ECRG4: variants seen among roughly 807,000 people sequenced by gnomAD.
The protein encoded by ECRG4 is augurin.
Under a neutral mutation model 15.8 loss-of-function variants are expected in ECRG4, and 18 were observed. The ratio of observed to expected loss-of-function variants is 1.14; its 90% confidence interval spans 0.79 to 1.69. The LOEUF (loss-of-function observed/expected upper bound fraction) is 1.69, where lower values mean the gene tolerates loss of function less well. ECRG4 is among the 40% of genes most tolerant of loss of function. The probability of loss-of-function intolerance (pLI) is 0.00; values close to 1 mark genes in which losing one functional copy is unlikely to be tolerated. For synonymous variants in ECRG4, 82 were observed against 73.9 expected, an observed-to-expected ratio of 1.11 and a Z score of -0.56; for missense variants, 200 against 190.9, an observed-to-expected ratio of 1.05 and a Z score of -0.28.
intron 3 of ECRG4, among the ~76,000 whole-genome samples, chr2:106,076,638 CAATATT>C (rs948067947): frequency 2.0e-5 from 3 of 152,116 alleles, no homozygotes; most frequent in African/African-American, 7.2e-5. Flanking sequence ...ACAAAGTTCT[CAATATT>C]AATTAATGTT....
chr2:106,068,248 G>A (rs1454209986), intron 1 of ECRG4, among the ~76,000 whole-genome samples: 2 of 152,100 alleles, frequency 1.3e-5, no homozygotes, highest in Non-Finnish European at 2.9e-5. Context: ...TGAATTTGCT[G>A]GGAGAGCTAA....
chr2:106,077,689 C>A, intron 3 of ECRG4, 76 bp from the exon 4 acceptor site: 1 of 1,322,202 alleles, frequency 7.6e-7, no homozygotes, highest in Non-Finnish European at 1.1e-6. Flanking sequence ...TGAAGAAAAG[C>A]CATAGGTAAG....
intron 2 of ECRG4, among the ~76,000 whole-genome samples, chr2:106,073,224 A>G (rs1304312564): frequency 1.3e-5 from 2 of 152,330 alleles, no homozygotes; most frequent in African/African-American, 2.4e-5. Context: ...AAGTGGTTCC[A>G]TTTCAACAAT....
chr2:106,076,362 G>A (rs17271098), intron 3 of ECRG4, among the ~76,000 whole-genome samples: 28,378 of 152,030 alleles, frequency 0.19, 3,077 homozygotes, highest in Non-Finnish European at 0.24. Context: ...GAAAACCCAA[G>A]AGGCAAGATT....
At chr2:106,067,313 TAAAAG>T (rs146746682) in intron 1 of ECRG4, among the ~76,000 whole-genome samples, 5,049 of 151,430 alleles carry the variant, frequency 0.033, 199 homozygotes, top group African/African-American at 0.081. Context: ...AAGAAATAAA[TAAAAG>T]AAGAAGAAGA....
Position 106,071,909 on chromosome 2 carries a change from G to T in ECRG4, c.127+18G>T, listed in dbSNP as rs113092769. The stretch of plus-strand genomic sequence containing the variant: ...ACGAGAAGGTAAATATACCCCAAAT[G>T]GATAAGGGATGCATTCTTAACTGGA... On this transcript the variant is annotated intron_variant, in intron 2 of 3. Transcript: ENST00000238044. 42 of 1,603,044 alleles carry T rather than the reference G, an allele frequency of 2.6e-5. No homozygotes were observed. The African/African-American group carries it at 4.2e-4, about 16-fold the overall frequency.
chr2:106,069,277 C>A (rs868102622), intron 1 of ECRG4, among the ~76,000 whole-genome samples: 1 of 106,262 alleles, frequency 9.4e-6, no homozygotes, highest in Non-Finnish European at 2.0e-5. Flanking sequence ...TTCTTTCTTT[C>A]TTTTTCTCTT....
At chr2:106,071,138 G>C (rs2104794240) in intron 1 of ECRG4, 1 of 402,202 alleles carries the variant, frequency 2.5e-6, no homozygotes, top group South Asian at 1.8e-5. Flanking sequence ...TGCACTTTTA[G>C]AGAGCAAAGG....
upstream of ECRG4, among the ~76,000 whole-genome samples, chr2:106,065,216 C>A (rs1676181046): frequency 6.6e-6 from 1 of 151,952 alleles, no homozygotes; most frequent in Non-Finnish European, 1.5e-5. Flanking sequence ...CAGGCAGAAG[C>A]AAGGCCCCCA....
upstream of ECRG4, among the ~76,000 whole-genome samples, chr2:106,063,697 C>T (rs1412763235): frequency 6.6e-6 from 1 of 152,188 alleles, no homozygotes; most frequent in Non-Finnish European, 1.5e-5. Flanking sequence ...ATTCTCCTGC[C>T]TCAGCCTCCC....
chr2:106,064,464 G>GT (rs1416416285), upstream of ECRG4: 2 of 152,260 alleles, frequency 1.3e-5, no homozygotes, highest in Admixed American at 1.3e-4. Flanking sequence ...AATCATTTGA[G>GT]TTCAGGAGTT....
intron 1 of ECRG4, among the ~76,000 whole-genome samples, chr2:106,069,194 TTC>T (rs963589991): frequency 3.3e-5 from 5 of 151,252 alleles, no homozygotes; most frequent in Admixed American, 2.0e-4. Context: ...TTTCTCTTTC[TTC>T]TTTCTTTTTT....
chr2:106,067,061 G>GGGGGGC (rs1553411453), intron 1 of ECRG4, among the ~76,000 whole-genome samples: 1 of 61,274 alleles, frequency 1.6e-5, no homozygotes, highest in African/African-American at 5.6e-5. Context: ...TGGGAGGCCG[G>GGGGGGC]GGGGGGGGGG....
chr2:106,070,873 C>T (rs1235327121), intron 1 of ECRG4: 3 of 470,664 alleles, frequency 6.4e-6, no homozygotes, highest in Middle Eastern at 3.2e-4. Context: ...TGGGGCCTGA[C>T]TCCAGTTCCT....
At chr2:106,067,402 GT>G (rs1676249942) in intron 1 of ECRG4, among the ~76,000 whole-genome samples, 1 of 152,122 alleles carries the variant, frequency 6.6e-6, no homozygotes, top group Non-Finnish European at 1.5e-5. Flanking sequence ...ATTTTATTTA[GT>G]TTATACCAAT....
intron 3 of ECRG4, among the ~76,000 whole-genome samples, chr2:106,075,716 C>T (rs938856445): frequency 1.3e-5 from 2 of 151,016 alleles, no homozygotes; most frequent in Admixed American, 6.6e-5. Flanking sequence ...AATGAGACTC[C>T]GTCTCAAAAA....
intron 1 of ECRG4, among the ~76,000 whole-genome samples, chr2:106,067,058 C>CTGGGG (rs1553411443): frequency 2.9e-4 from 1 of 3,398 alleles, no homozygotes; most frequent in Non-Finnish European, 7.5e-4. Context: ...CTTTGGGAGG[C>CTGGGG]CGGGGGGGGG....
At chr2:106,075,938 C>CTT (rs1676478984) in intron 3 of ECRG4, among the ~76,000 whole-genome samples, 1 of 152,180 alleles carries the variant, frequency 6.6e-6, no homozygotes, top group Non-Finnish European at 1.5e-5. Context: ...ATTTTAAAAT[C>CTT]TTAATCTATA....
chr2:106,068,034 T>G (rs1676262540), intron 1 of ECRG4, among the ~76,000 whole-genome samples: 1 of 151,204 alleles, frequency 6.6e-6, no homozygotes, highest in Admixed American at 6.6e-5. Context: ...TTAGTAGAGA[T>G]GAGTCTCACT....
Sources: gnomAD v4.1 joint callset for allele counts (sites outside exome capture counted in the v4.1 genomes callset) on GRCh38, gnomAD v4.1.1 for gene constraint, MANE v1.5 for transcripts, NCBI Gene and HGNC (gene_info 2026-07-23, HGNC 2026-07-21) for gene names.